Variants in GPC6 observed in about 807,000 individuals in gnomAD.
GPC6 encodes the protein glypican 6.
Under a neutral mutation model 55.2 loss-of-function variants are expected in GPC6, and 14 were observed. The ratio of observed to expected loss-of-function variants is 0.25; its 90% CI spans 0.17 to 0.40. The LOEUF (loss-of-function observed/expected upper bound fraction) is 0.40, where lower values mean the gene tolerates loss of function less well. GPC6 is among the 10% of genes least tolerant of loss of function. GPC6 has a pLI of 1.00. For missense variants in GPC6, 641 were observed against 708.5 expected, an observed-to-expected ratio of 0.90 and a Z score of 1.08; for synonymous variants, 278 against 259.6, an observed-to-expected ratio of 1.07 and a Z score of -0.68.
chr13:94,295,949 G>A (rs557323902), intron 5 of GPC6, among the ~76,000 whole-genome samples: 2 of 135,786 alleles, frequency 1.5e-5, no homozygotes, highest in South Asian at 2.5e-4. Flanking sequence ...CACTTACTGC[G>A]CTCCACCGAG....
At chr13:93,915,720 C>G (rs1877253831) in intron 3 of GPC6, among the ~76,000 whole-genome samples, 1 of 152,126 alleles carries the variant, frequency 6.6e-6, no homozygotes, top group Non-Finnish European at 1.5e-5. Context: ...TCAGAACCAC[C>G]TCTTTGACCT....
chr13:93,750,346 T>C (rs1435132059), intron 2 of GPC6, among the ~76,000 whole-genome samples: 2 of 152,198 alleles, frequency 1.3e-5, no homozygotes, highest in Admixed American at 6.5e-5. Context: ...TTAACCTTTT[T>C]TCCCTTTTGT....
At chr13:93,393,791 C>T (rs2762116) in intron 1 of GPC6, among the ~76,000 whole-genome samples, 76,357 of 151,644 alleles carry the variant, frequency 0.5, 21,668 homozygotes, top group Non-Finnish European at 0.66. Context: ...ATGATATACT[C>T]CTGCCACTGG....
intron 3 of GPC6, among the ~76,000 whole-genome samples, chr13:93,847,487 G>T (rs1001410835): frequency 6.6e-6 from 1 of 151,930 alleles, no homozygotes; most frequent in Non-Finnish European, 1.5e-5. Flanking sequence ...GGTAAAGAAG[G>T]TTCTTTTCAG....
At chr13:94,065,022 T>G (rs1256996245) in intron 4 of GPC6, among the ~76,000 whole-genome samples, 1 of 152,204 alleles carries the variant, frequency 6.6e-6, no homozygotes, top group Non-Finnish European at 1.5e-5. Context: ...TTTAGCATTT[T>G]CATAAACACC....
chr13:93,664,540 T>G (rs1350069806), intron 2 of GPC6, among the ~76,000 whole-genome samples: 2 of 152,176 alleles, frequency 1.3e-5, no homozygotes, highest in East Asian at 3.9e-4. Context: ...CCATGATGTT[T>G]CCAGTGTCAT....
chr13:93,651,024 T>C (rs1880386588), intron 2 of GPC6, among the ~76,000 whole-genome samples: 1 of 152,196 alleles, frequency 6.6e-6, no homozygotes, highest in Admixed American at 6.5e-5. Flanking sequence ...AGCCCACAAG[T>C]ATTAGAACTT....
intron 1 of GPC6, among the ~76,000 whole-genome samples, chr13:93,373,828 TTTTGCG>T (rs1156940429): frequency 3.3e-5 from 5 of 152,200 alleles, no homozygotes; most frequent in Non-Finnish European, 7.3e-5. Context: ...AAAGAAATCA[TTTTGCG>T]TTTATTATAT....
At position 94,254,420 on chromosome 13, in the gene GPC6, T is replaced by A. The variant is rs138118677; in HGVS notation, c.878-31929T>A. On this transcript the variant is annotated intron_variant, in intron 4 of 8. Coordinates refer to ENST00000377047, the MANE Select transcript of GPC6 (RefSeq NM_005708.5). ...TTATTCAGTGTGGGTCAAAGTAACA[T>A]TAAGCTTCTTACAAATGCAATATTC... Among the ~76,000 whole-genome samples, 3 of 152,274 alleles carry A rather than the reference T, an allele frequency of 2.0e-5. No individual in the cohort carries two copies. The East Asian group carries it at 5.8e-4, about 29-fold the overall frequency.
At position 94,382,457 on chromosome 13, in the gene GPC6, G is replaced by A; in HGVS notation, c.1196G>A (p.Trp399Ter). 1 of 1,614,032 alleles carries A rather than the reference G, an allele frequency of 6.2e-7. No homozygotes were observed. Among genetic ancestry groups the A allele is most frequent in the Non-Finnish European group, 8.5e-7 (1 of 1,179,910 alleles). ...AAATTGAAGCTCTCTAAAAAGGTCT[G>A]GTCAGCATTACCCTACACTATCTGC... is the stretch of plus-strand genomic sequence containing the variant. Reference protein sequence around the residue: ...KEKLKLSKKVWSALPYTICKD... With the variant: ...KEKLKLSKKV The change falls in exon 7 of 9, where the codon TGG becomes TAG. Residue 399 changes from tryptophan to a stop codon, truncating the protein, a stop_gained. Coordinates refer to ENST00000377047, the MANE Select transcript of GPC6 (RefSeq NM_005708.5). LOFTEE classifies it high-confidence loss of function.
At chr13:93,236,414 C>T (rs944699823) in intron 1 of GPC6, among the ~76,000 whole-genome samples, 1 of 152,008 alleles carries the variant, frequency 6.6e-6, no homozygotes, top group African/African-American at 2.4e-5. Context: ...TCTCCGGTGT[C>T]TATTATACCA....
chr13:94,167,299 C>CAG (rs1332707536), intron 4 of GPC6, among the ~76,000 whole-genome samples: 5 of 151,964 alleles, frequency 3.3e-5, no homozygotes, highest in Non-Finnish European at 5.9e-5. Flanking sequence ...AAGGGGTGAA[C>CAG]AGAGAGAGAG....
At chr13:93,387,504 C>T (rs963941643) in intron 1 of GPC6, among the ~76,000 whole-genome samples, 4 of 152,192 alleles carry the variant, frequency 2.6e-5, no homozygotes, top group African/African-American at 7.2e-5. Context: ...AGGATATGAA[C>T]TCATTCTTTT....
At chr13:94,355,617 G>A (rs1009745580) in intron 6 of GPC6, among the ~76,000 whole-genome samples, 3 of 152,102 alleles carry the variant, frequency 2.0e-5, no homozygotes, top group Non-Finnish European at 4.4e-5. Flanking sequence ...ATCTAAATGT[G>A]TCTATGAAAA....
intron 3 of GPC6, among the ~76,000 whole-genome samples, chr13:93,880,221 A>G (rs1874872385): frequency 6.6e-6 from 1 of 151,284 alleles, no homozygotes; most frequent in Non-Finnish European, 1.5e-5. Context: ...CTGGGTATAT[A>G]CCCAAAGGAC....
At chr13:93,418,665 A>G (rs956658512) in intron 1 of GPC6, among the ~76,000 whole-genome samples, 2 of 151,400 alleles carry the variant, frequency 1.3e-5, no homozygotes, top group East Asian at 2.0e-4. Flanking sequence ...ATAGCGCTAT[A>G]CCGTAGTATT....
chr13:93,481,878 A>T (rs1879535141), intron 1 of GPC6, among the ~76,000 whole-genome samples: 1 of 152,120 alleles, frequency 6.6e-6, no homozygotes, highest in Admixed American at 6.5e-5. Flanking sequence ...CTTTTACAAG[A>T]TCATTTTTAC....
At chr13:94,252,929 G>A (rs1891401224) in intron 4 of GPC6, among the ~76,000 whole-genome samples, 1 of 149,358 alleles carries the variant, frequency 6.7e-6, no homozygotes, top group Non-Finnish European at 1.5e-5. Flanking sequence ...GAGGGGGATG[G>A]CTGATAAAGG....
At chr13:93,672,831 C>G (rs1278750360) in intron 2 of GPC6, among the ~76,000 whole-genome samples, 1 of 151,942 alleles carries the variant, frequency 6.6e-6, no homozygotes, top group Non-Finnish European at 1.5e-5. Flanking sequence ...CATACAGTTT[C>G]ATGATTAATG....
Sources: gnomAD v4.1 joint callset for allele counts (sites outside exome capture counted in the v4.1 genomes callset) on GRCh38, gnomAD v4.1.1 for gene constraint, MANE v1.5 for transcripts, NCBI Gene and HGNC (gene_info 2026-07-23, HGNC 2026-07-21) for gene names.